The following LRCH3 variants were observed in gnomAD, a reference collection of about 807,000 sequenced individuals.
LRCH3 encodes DISP complex protein LRCH3.
A neutral mutation model predicts 104.5 loss-of-function variants in LRCH3; 68 were observed. The observed-to-expected ratio is 0.65, with a 90% confidence interval of 0.54 to 0.80. LRCH3 has a LOEUF of 0.80. Among genes scored for constraint, LRCH3 ranks in the 30% least tolerant of loss-of-function variants. The pLI is 0.00. For missense variants in LRCH3, 951 were observed against 953.9 expected (o/e 1.00, Z 0.04); for synonymous variants, 344 against 361.3 (o/e 0.95, Z 0.54).
intron 14 of LRCH3, among the ~76,000 whole-genome samples, chr3:197,857,120 C>T (rs1263087569): frequency 6.6e-6 from 1 of 151,036 alleles, no homozygotes. Flanking sequence ...TTGGGCTACC[C>T]CTCAAGCTCC....
intron 1 of LRCH3, among the ~76,000 whole-genome samples, chr3:197,792,493 G>T (rs992267598): frequency 2.1e-5 from 3 of 141,820 alleles, no homozygotes; most frequent in Admixed American, 7.4e-5. Context: ...CTGCAGCCTC[G>T]ACCTCCCGGG....
chr3:197,831,011 G>C lies in LRCH3; in HGVS notation c.981+148G>C, dbSNP rs116369318. 1.8e-3 allele frequency: 1,103 copies of C among 622,338 alleles called. 11 individuals carry two copies. In the African/African-American group the frequency reaches 0.018, roughly 10 times the overall value. The allele number at this position is 622,338 out of a possible 1,614,324, so 38.6% of individuals were successfully genotyped here. On this transcript the variant is annotated intron_variant, in intron 7 of 20. Transcript: ENST00000425562. ...GGAGGCAAGATTCCCACCCTCTCCA[G>C]CAGAATTGGCATTCTGCGTCCTTAC...
At chr3:197,850,233 A>G (rs1034113518) in intron 12 of LRCH3, among the ~76,000 whole-genome samples, 1 of 152,106 alleles carries the variant, frequency 6.6e-6, no homozygotes, top group Non-Finnish European at 1.5e-5. Flanking sequence ...AATTATTGAG[A>G]TGATGATAAT....
intron 1 of LRCH3, among the ~76,000 whole-genome samples, chr3:197,794,014 A>G (rs959136240): frequency 5.9e-5 from 9 of 152,258 alleles, no homozygotes; most frequent in Non-Finnish European, 1.2e-4. Flanking sequence ...AAATGCACAC[A>G]ATAATTTGTG....
At chr3:197,851,060 C>T (rs1739527244) in intron 12 of LRCH3, 1 of 655,472 alleles carries the variant, frequency 1.5e-6, no homozygotes, top group South Asian at 1.6e-5. Flanking sequence ...ATTAAATACT[C>T]AGGAAGTGGC....
chr3:197,815,079 AT>A (rs766908051), intron 2 of LRCH3, 27 bp downstream of exon 2: 49 of 1,375,960 alleles, frequency 3.6e-5, no homozygotes, highest in Non-Finnish European at 4.7e-5. Flanking sequence ...CTTATTTTAA[AT>A]TTTTGGTTTT....
intron 1 of LRCH3, among the ~76,000 whole-genome samples, chr3:197,794,704 T>G (rs1003815495): frequency 2.6e-5 from 4 of 152,198 alleles, no homozygotes; most frequent in Non-Finnish European, 5.9e-5. Flanking sequence ...CTGTGCTGTT[T>G]ATTTTGAAAG....
At position 197,799,055 on chromosome 3, in the gene LRCH3, G is replaced by T. The variant is rs964144817; in HGVS notation, c.262+7515G>T. On this transcript the variant is annotated intron_variant, in intron 1 of 20. Coordinates refer to ENST00000425562, the MANE Select transcript of LRCH3 (RefSeq NM_001365715.1). ...AGAAGGGAAGGGGAGGTAGTAGGAT[G>T]GTTTCTTTAGGGGAGGTGAGAAGAT... Among the ~76,000 whole-genome samples, 5 of 152,292 alleles carry T rather than the reference G, an allele frequency of 3.3e-5. 1 individual carries two copies.
chr3:197,847,879 A>T lies in LRCH3; in HGVS notation c.1388A>T (p.His463Leu). The T allele has an allele frequency of 6.2e-7, 1 of 1,614,062 alleles. No homozygotes were observed. Among genetic ancestry groups the T allele is most frequent in the Non-Finnish European group, 8.5e-7 (1 of 1,179,966 alleles). The part of the protein sequence containing the change: ...SLSASHNQLS[H>L]TDLELHQRRE... ...ATAACGCTTTGGTTCCAGCTGTCACACACAGACCTGGAACTTCATCAGAGA... is the reference window on the plus strand; with the variant it reads ...ATAACGCTTTGGTTCCAGCTGTCACTCACAGACCTGGAACTTCATCAGAGA... The change falls in exon 12 of 21, where the codon CAC becomes CTC. Residue 463 changes from histidine to leucine, a missense_variant. His to Leu is a moderately conservative substitution (Grantham distance 99). Transcript: ENST00000425562.
At chr3:197,853,835 AAC>A (rs1448167816) in intron 13 of LRCH3, among the ~76,000 whole-genome samples, 1 of 152,218 alleles carries the variant, frequency 6.6e-6, no homozygotes, top group Non-Finnish European at 1.5e-5. Flanking sequence ...TAATAATACT[AAC>A]ACATTTTCGA....
At chr3:197,797,881 AAC>A (rs1371860179) in intron 1 of LRCH3, among the ~76,000 whole-genome samples, 90 of 136,032 alleles carry the variant, frequency 6.6e-4, no homozygotes, top group Admixed American at 2.3e-3. Context: ...AAACAAAAAA[AAC>A]AAAAAAAAAA....
intron 4 of LRCH3, among the ~76,000 whole-genome samples, chr3:197,825,519 T>G (rs190858405): frequency 2.5e-5 from 3 of 121,694 alleles, no homozygotes; most frequent in Non-Finnish European, 3.3e-5. Flanking sequence ...TTGCTCTGTC[T>G]CCCAGGCTGG....
At chr3:197,880,394 CAGGATGTGT>C in intron 20 of LRCH3, 1 of 762,004 alleles carries the variant, frequency 1.3e-6, no homozygotes. Context: ...AAAAATGTTA[CAGGATGTGT>C]ATATGTGAAT....
intron 19 of LRCH3, among the ~76,000 whole-genome samples, chr3:197,875,322 T>C (rs1464258040): frequency 2.0e-5 from 3 of 152,112 alleles, no homozygotes; most frequent in Non-Finnish European, 2.9e-5. Flanking sequence ...GCATTGAGAG[T>C]TATGAAGCGA....
chr3:197,801,835 A>C (rs1395761771), intron 1 of LRCH3, among the ~76,000 whole-genome samples: 1 of 152,184 alleles, frequency 6.6e-6, no homozygotes, highest in Non-Finnish European at 1.5e-5. Flanking sequence ...CACAAGACTG[A>C]AATTAACGTG....
chr3:197,867,963 G>A (rs1432635670), intron 17 of LRCH3, among the ~76,000 whole-genome samples: 1 of 152,196 alleles, frequency 6.6e-6, no homozygotes, highest in Admixed American at 6.5e-5. Flanking sequence ...GGTTGAGGCT[G>A]AAGTGAGTCA....
chr3:197,838,134 G>A (rs999269602), intron 9 of LRCH3, among the ~76,000 whole-genome samples: 3 of 152,100 alleles, frequency 2.0e-5, no homozygotes, highest in South Asian at 2.1e-4. Flanking sequence ...GTTTAAAGTG[G>A]TGTAGCTTGG....
chr3:197,811,722 T>C (rs141518571), intron 1 of LRCH3, among the ~76,000 whole-genome samples: 1 of 152,144 alleles, frequency 6.6e-6, no homozygotes, highest in Non-Finnish European at 1.5e-5. Flanking sequence ...CATAGCCAAA[T>C]AGAATGAAAT....
intron 15 of LRCH3, among the ~76,000 whole-genome samples, chr3:197,864,940 G>C (rs746003862): frequency 3.3e-5 from 5 of 151,940 alleles, no homozygotes; most frequent in Non-Finnish European, 5.9e-5. Context: ...AGGATCACCT[G>C]AGCCTGGGAG....
Sources: gnomAD v4.1 joint callset for allele counts (sites outside exome capture counted in the v4.1 genomes callset) on GRCh38, gnomAD v4.1.1 for gene constraint, MANE v1.5 for transcripts, NCBI Gene and HGNC (gene_info 2026-07-23, HGNC 2026-07-21) for gene names.